SLIT3: variants seen among roughly 807,000 people sequenced by gnomAD.
SLIT3 encodes slit homolog 3 protein.
SLIT3 carries 68 observed loss-of-function variants against 184.0 expected under a neutral mutation model. That is an observed-to-expected ratio of 0.37 (90% CI 0.30 to 0.45). The LOEUF (loss-of-function observed/expected upper bound fraction) is 0.45, where lower values mean the gene tolerates loss of function less well. SLIT3 is among the 20% of genes least tolerant of loss of function. The pLI, the probability that SLIT3 is intolerant of heterozygous loss-of-function variation, is 1.00. For synonymous variants in SLIT3, 831 were observed against 828.6 expected, an observed-to-expected ratio of 1.00 and a Z score of -0.05; for missense variants, 1,707 against 2,026.0, an observed-to-expected ratio of 0.84 and a Z score of 3.02.
At chr5:168,791,754 T>C (rs1756376723) in intron 10 of SLIT3, 1 of 152,224 alleles carries the variant, frequency 6.6e-6, no homozygotes. Context: ...ATCTACTCTC[T>C]GAGCTATTTT....
chr5:168,769,230 T>G (rs1390031398), intron 14 of SLIT3, among the ~76,000 whole-genome samples: 1 of 152,168 alleles, frequency 6.6e-6, no homozygotes, highest in African/African-American at 2.4e-5. Context: ...TACCCAGTTT[T>G]TATATTCCTC....
chr5:169,177,176 T>C (rs1763012562), intron 4 of SLIT3, among the ~76,000 whole-genome samples: 1 of 152,190 alleles, frequency 6.6e-6, no homozygotes, highest in Non-Finnish European at 1.5e-5. Context: ...GCAAATGCAG[T>C]AGCTCTGAGC....
rs189677686 is a variant in SLIT3 at position 169,192,458 on chromosome 5, T to C, written c.413+1021A>G. ...GTGTGTGTGTGTGTGTGTGTGTGTA[T>C]AGACATATAGAAATATATATTCCTA... On this transcript the variant is annotated intron_variant, in intron 4 of 35. Transcript: ENST00000519560. Among the ~76,000 whole-genome samples, 5 of 151,602 alleles carry C rather than the reference T, an allele frequency of 3.3e-5. 1 individual carries two copies. The highest frequency in any genetic ancestry group is 4.2e-4 in the South Asian group (2 of 4,794).
intron 3 of SLIT3, among the ~76,000 whole-genome samples, chr5:169,217,460 C>A (rs1764477775): frequency 6.6e-6 from 1 of 152,104 alleles, no homozygotes; most frequent in Non-Finnish European, 1.5e-5. Flanking sequence ...TGTTGGATGA[C>A]TGGGTTTGGG....
chr5:168,822,916 G>A (rs1422292635), intron 7 of SLIT3, among the ~76,000 whole-genome samples: 1 of 152,208 alleles, frequency 6.6e-6, no homozygotes, highest in Non-Finnish European at 1.5e-5. Flanking sequence ...GAATCATTCA[G>A]TCAGAGTTCT....
intron 4 of SLIT3, among the ~76,000 whole-genome samples, chr5:168,938,035 A>C (rs917664484): frequency 4.6e-5 from 7 of 152,214 alleles, no homozygotes; most frequent in African/African-American, 1.7e-4. Flanking sequence ...GGATCTGTAT[A>C]TTTATTACAT....
intron 5 of SLIT3, among the ~76,000 whole-genome samples, chr5:168,862,819 C>T (rs1324119113): frequency 1.3e-5 from 2 of 152,124 alleles, no homozygotes; most frequent in African/African-American, 4.8e-5. Flanking sequence ...GGACTACAGG[C>T]ACCCACCACC....
intron 23 of SLIT3, among the ~76,000 whole-genome samples, chr5:168,721,817 T>G (rs1199142048): frequency 6.6e-6 from 1 of 152,158 alleles, no homozygotes; most frequent in Non-Finnish European, 1.5e-5. Flanking sequence ...TTGTGATCTC[T>G]GGGGTAGGAG....
intron 4 of SLIT3, among the ~76,000 whole-genome samples, chr5:168,935,073 G>C (rs550665741): frequency 9.1e-4 from 136 of 150,112 alleles, no homozygotes; most frequent in African/African-American, 3.1e-3. Flanking sequence ...GGGAGGTGGA[G>C]GTTGTAGGGA....
chr5:169,282,056 G>C (rs1366254882), intron 1 of SLIT3, among the ~76,000 whole-genome samples: 1 of 152,206 alleles, frequency 6.6e-6, no homozygotes, highest in African/African-American at 2.4e-5. Flanking sequence ...GAGAAAGCCT[G>C]AGCTACGTGG....
At chr5:169,250,492 C>T (rs540454548) in intron 2 of SLIT3, among the ~76,000 whole-genome samples, 4 of 152,234 alleles carry the variant, frequency 2.6e-5, no homozygotes, top group African/African-American at 4.8e-5. Flanking sequence ...TAGCTAATTC[C>T]GAATCAGGAC....
chr5:169,042,450 CG>C (rs1438422625), intron 4 of SLIT3, among the ~76,000 whole-genome samples: 1 of 152,210 alleles, frequency 6.6e-6, no homozygotes, highest in Non-Finnish European at 1.5e-5. Context: ...TTATCAAAGA[CG>C]GATGTGCTAA....
intron 16 of SLIT3, among the ~76,000 whole-genome samples, chr5:168,757,208 G>C (rs1269580922): frequency 6.6e-6 from 1 of 152,172 alleles, no homozygotes; most frequent in Non-Finnish European, 1.5e-5. Flanking sequence ...GGGCCACCCA[G>C]GGGGCTTCTC....
rs574931159 is a variant in SLIT3, at chr5:168,854,884, G to A, written c.486-10229C>T. On this transcript the variant is annotated intron_variant, in intron 5 of 35. Transcript: ENST00000519560. ...TGTCTTGCAAGCTCAGTGTTCGGGG[G>A]ATATCAAGGTCCTTGTAATTAACTG... 2.0e-5 allele frequency among the ~76,000 whole-genome samples: 3 copies of A among 152,302 alleles called. No homozygotes were observed. In the East Asian group the frequency reaches 5.8e-4, roughly 29 times the overall value.
chr5:169,067,393 G>T (rs561494802), intron 4 of SLIT3, among the ~76,000 whole-genome samples: 1 of 151,984 alleles, frequency 6.6e-6, no homozygotes, highest in Non-Finnish European at 1.5e-5. Flanking sequence ...CCATCTCAGC[G>T]AGACTCCACC....
intron 4 of SLIT3, among the ~76,000 whole-genome samples, chr5:169,108,362 C>G (rs992695380): frequency 3.3e-5 from 5 of 152,192 alleles, no homozygotes; most frequent in African/African-American, 1.2e-4. Flanking sequence ...AGAGCTGGCA[C>G]AGCATACTCC....
chr5:168,729,312 G>A (rs1763226431), intron 20 of SLIT3, among the ~76,000 whole-genome samples: 1 of 151,934 alleles, frequency 6.6e-6, no homozygotes, highest in South Asian at 2.1e-4. Flanking sequence ...CAAATACATT[G>A]CAAAAAGGAT....
At chr5:168,771,100 A>G (rs1006450902) in intron 14 of SLIT3, among the ~76,000 whole-genome samples, 13 of 152,276 alleles carry the variant, frequency 8.5e-5, no homozygotes, top group Non-Finnish European at 1.5e-4. Flanking sequence ...TCTGGCTCTC[A>G]CTGTCCTTCT....
At chr5:168,937,987 C>A (rs1295726833) in intron 4 of SLIT3, among the ~76,000 whole-genome samples, 2 of 151,908 alleles carry the variant, frequency 1.3e-5, no homozygotes, top group Non-Finnish European at 2.9e-5. Flanking sequence ...ACAATGCAGT[C>A]ATAAATCCAG....
Sources: allele counts gnomAD v4.1 joint callset (sites outside exome capture counted in the v4.1 genomes callset), GRCh38; gene constraint gnomAD v4.1.1; transcripts MANE v1.5; gene names NCBI Gene and HGNC (gene_info 2026-07-23, HGNC 2026-07-21).